USP31: variants seen among roughly 807,000 people sequenced by gnomAD.
USP31 encodes the protein ubiquitin carboxyl-terminal hydrolase 31.
In USP31, 44 loss-of-function variants were observed where a neutral mutation model predicts 119.4. The observed-to-expected ratio is 0.37, with a 90% CI of 0.29 to 0.47. The LOEUF is 0.47. Among genes scored for constraint, USP31 ranks in the 20% least tolerant of loss-of-function variants. USP31 has a pLI of 0.99. For synonymous variants in USP31, 749 were observed against 705.6 expected (o/e 1.06, Z -0.97); for missense variants, 1,643 against 1,730.2 (o/e 0.95, Z 0.89).
intron 1 of USP31, among the ~76,000 whole-genome samples, chr16:23,133,051 C>A (rs1903077503): frequency 1.3e-5 from 2 of 152,116 alleles, no homozygotes; most frequent in South Asian, 2.1e-4. Context: ...CATGTGACTG[C>A]CCCCCTACAG....
chr16:23,081,724 C>G (rs1475978646), intron 12 of USP31, among the ~76,000 whole-genome samples: 1 of 152,242 alleles, frequency 6.6e-6, no homozygotes. Flanking sequence ...CCATCAACTC[C>G]CGCCACTGCC....
chr16:23,082,816 ACTTT>A (rs897642253), intron 11 of USP31, among the ~76,000 whole-genome samples: 2 of 143,076 alleles, frequency 1.4e-5, no homozygotes, highest in Non-Finnish European at 3.1e-5. Context: ...TAAATATGTT[ACTTT>A]CTTTCTCTCT....
intron 1 of USP31, among the ~76,000 whole-genome samples, chr16:23,125,520 T>C (rs1675930372): frequency 6.6e-6 from 1 of 152,242 alleles, no homozygotes; most frequent in South Asian, 2.1e-4. Context: ...TACTCCTTTC[T>C]TTCCCATCTG....
chr16:23,094,917 C>T (rs576586553), intron 6 of USP31, among the ~76,000 whole-genome samples: 2 of 152,290 alleles, frequency 1.3e-5, no homozygotes, highest in Non-Finnish European at 2.9e-5. Flanking sequence ...AGCAGAAAGG[C>T]TGAAAATTCT....
In USP31 at chr16:23,066,233, G is replaced by A. The variant is rs1047866128; in HGVS notation, c.*1813C>T. 1 of 152,500 alleles carries A rather than the reference G, an allele frequency of 6.6e-6. No individual in the cohort carries two copies. The highest frequency in any genetic ancestry group is 1.5e-5 in the Non-Finnish European group (1 of 68,014). 9.4% of individuals were successfully genotyped at this position (152,500 alleles called of 1,614,324 possible). The stretch of plus-strand genomic sequence containing the variant: ...GTCAATGAATCACATGGAGCACTGT[G>A]GTAACTTTCACAAGGCTAAATGTCT... On this transcript the variant is annotated 3_prime_UTR_variant, in exon 16 of 16. Transcript: ENST00000219689.
chr16:23,084,728 A>T, intron 11 of USP31, 132 bp downstream of exon 11: 1 of 1,154,100 alleles, frequency 8.7e-7, no homozygotes, highest in Non-Finnish European at 1.2e-6. Flanking sequence ...GATGCTCATT[A>T]CATGTGCAGA....
intron 1 of USP31, among the ~76,000 whole-genome samples, chr16:23,148,130 T>TA (rs961569909): frequency 2.0e-5 from 3 of 152,160 alleles, no homozygotes; most frequent in Non-Finnish European, 2.9e-5. Context: ...AATCTGTAAA[T>TA]AAAAAACGGT....
rs779177569 is a variant in USP31, at chr16:23,065,496, T to C, written c.*2550A>G. On this transcript the variant is annotated 3_prime_UTR_variant, in exon 16 of 16. Transcript: ENST00000219689. Reference sequence around the variant, plus strand: ...TCCTGTGGCCTAAAGTTGTACCTAGTAGTTGGAGATAATGAAATTTTCACT... The same window carrying C: ...TCCTGTGGCCTAAAGTTGTACCTAGCAGTTGGAGATAATGAAATTTTCACT... 3.9e-5 allele frequency: 6 copies of C among 152,582 alleles called. No individual in the cohort carries two copies. Among genetic ancestry groups the C allele is most frequent in the Non-Finnish European group, 5.9e-5 (4 of 68,016 alleles). 9.5% of individuals were successfully genotyped at this position (152,582 alleles called of 1,614,324 possible). A position where few individuals can be genotyped will look rare whatever the true frequency, so the allele number is the denominator to read the frequency against.
rs1900239609 is a variant in USP31, at chr16:23,069,234, T to C, written c.2871A>G (p.Arg957=). 5 of 1,614,232 alleles carry C rather than the reference T, an allele frequency of 3.1e-6. No individual in the cohort carries two copies. Among genetic ancestry groups the C allele is most frequent in the Admixed American group, 1.7e-5 (1 of 60,028 alleles). Residue 957 remains arginine (R), a synonymous_variant, in exon 16 of 16, where the codon AGA becomes AGG. Transcript: ENST00000219689. ...GVFKDESDTR[R]LNSSVVDTQS... is the part of the protein sequence containing the mutation. ...GTGTATCTACGACACTGGAGTTCAA[T>C]CTGCGGGTGTCCGATTCGTCTTTGA...
chr16:23,148,836 G>T lies in USP31; in HGVS notation c.435C>A (p.Cys145Ter). 6.5e-7 allele frequency: 1 copy of T among 1,535,124 alleles called. No individual in the cohort carries two copies. Among genetic ancestry groups the T allele is most frequent in the Non-Finnish European group, 8.7e-7 (1 of 1,143,504 alleles). Reference protein sequence around the residue: ...NTCFMNATLQCLSNTELFAEY... With the variant: ...NTCFMNATLQ ...CGGCGAAGAGCTCGGTGTTGCTGAG[G>T]CACTGCAGCGTGGCGTTCATGAAGC... Residue 145 changes from cysteine (C) to a stop codon, truncating the protein, a stop_gained, in exon 1 of 16, where the codon TGC becomes TGA. Transcript: ENST00000219689. LOFTEE classifies it high-confidence loss of function.
At chr16:23,121,225 G>A (rs1596726281) in intron 1 of USP31, among the ~76,000 whole-genome samples, 1 of 152,094 alleles carries the variant, frequency 6.6e-6, no homozygotes. Context: ...TGCCTGAGAC[G>A]CTTGCAAGTC....
At chr16:23,088,216 G>A (rs1901198689) in intron 7 of USP31, among the ~76,000 whole-genome samples, 1 of 152,118 alleles carries the variant, frequency 6.6e-6, no homozygotes, top group Admixed American at 6.5e-5. Context: ...AGGTCTCACA[G>A]ACAGGCAGCC....
chr16:23,102,536 C>A (rs1258170941), intron 5 of USP31, 73 bp from the exon 6 acceptor site: 23 of 1,521,950 alleles, frequency 1.5e-5, no homozygotes, highest in Non-Finnish European at 2.0e-5. Context: ...ATTCTATGAA[C>A]TTCTCCAGAC....
At chr16:23,079,250 T>C (rs1259124179) in intron 13 of USP31, 2 of 149,498 alleles carry the variant, frequency 1.3e-5, no homozygotes, top group Admixed American at 6.7e-5. Flanking sequence ...TTAAAAAAAA[T>C]GTTACCAGTG....
chr16:23,122,215 C>G (rs570892429), intron 1 of USP31, among the ~76,000 whole-genome samples: 1 of 152,052 alleles, frequency 6.6e-6, no homozygotes, highest in South Asian at 2.1e-4. Flanking sequence ...GCAAAAGAAC[C>G]CAGACACAAA....
At chr16:23,074,168 G>A (rs1166632223) in intron 13 of USP31, among the ~76,000 whole-genome samples, 1 of 152,124 alleles carries the variant, frequency 6.6e-6, no homozygotes, top group Admixed American at 6.6e-5. Context: ...GTCTGTGGCG[G>A]GGGGAGTGGG....
At chr16:23,115,213 T>C (rs542886495) in intron 1 of USP31, among the ~76,000 whole-genome samples, 69 of 152,254 alleles carry the variant, frequency 4.5e-4, no homozygotes, top group African/African-American at 1.6e-3. Flanking sequence ...CTTTTACGAT[T>C]TTTTTTCATA....
intron 14 of USP31, among the ~76,000 whole-genome samples, chr16:23,073,508 T>C (rs1217908700): frequency 6.6e-6 from 1 of 152,182 alleles, no homozygotes; most frequent in Non-Finnish European, 1.5e-5. Context: ...TCCAACCCAC[T>C]GTCCCCAGTG....
At chr16:23,086,468 G>A (rs1413220640) in intron 9 of USP31, among the ~76,000 whole-genome samples, 1 of 152,064 alleles carries the variant, frequency 6.6e-6, no homozygotes, top group Non-Finnish European at 1.5e-5. Flanking sequence ...CAGCACAGAG[G>A]TAGCAGAGTA....
Sources: allele counts gnomAD v4.1 joint callset (sites outside exome capture counted in the v4.1 genomes callset), GRCh38; gene constraint gnomAD v4.1.1; transcripts MANE v1.5; gene names NCBI Gene and HGNC (gene_info 2026-07-23, HGNC 2026-07-21).